SCFD2: variants seen among roughly 807,000 people sequenced by gnomAD.
SCFD2 encodes the protein sec1 family domain containing 2.
SCFD2 carries 54 observed loss-of-function variants against 58.9 expected under a neutral mutation model. The ratio of observed to expected loss-of-function variants is 0.92; its 90% CI spans 0.74 to 1.15. SCFD2 has a LOEUF of 1.15. SCFD2 is among the 50% of genes most tolerant of loss of function. The pLI is 0.00. For synonymous variants in SCFD2, 321 were observed against 335.9 expected (o/e 0.96, Z 0.49); for missense variants, 805 against 836.6 (o/e 0.96, Z 0.47).
intron 1 of SCFD2, among the ~76,000 whole-genome samples, chr4:53,361,179 CTCTT>C (rs936534410): frequency 6.6e-6 from 1 of 152,170 alleles, no homozygotes; most frequent in African/African-American, 2.4e-5. Context: ...AACTAACTCT[CTCTT>C]TGACAATTCA....
At chr4:53,125,648 G>T (rs780116388) in intron 5 of SCFD2, among the ~76,000 whole-genome samples, 1 of 152,222 alleles carries the variant, frequency 6.6e-6, no homozygotes, top group African/African-American at 2.4e-5. Flanking sequence ...TTATATACAT[G>T]CAGGGAAACA....
At chr4:53,304,928 G>A (rs530663845) in intron 3 of SCFD2, among the ~76,000 whole-genome samples, 5 of 152,004 alleles carry the variant, frequency 3.3e-5, no homozygotes, top group African/African-American at 1.2e-4. Context: ...GAATTTTCAG[G>A]CTTTTTGTGC....
At chr4:53,338,575 CT>C (rs56263068) in intron 2 of SCFD2, among the ~76,000 whole-genome samples, 5 of 72,314 alleles carry the variant, frequency 6.9e-5, no homozygotes, top group East Asian at 5.3e-4. Context: ...GTATATTTTT[CT>C]TTTTTTTTTT....
rs1480045169 is a variant in SCFD2 at position 53,238,376 on chromosome 4, G to A, written c.1311+35450C>T. 1.7e-4 allele frequency among the ~76,000 whole-genome samples: 21 copies of A among 125,720 alleles called. No homozygotes were observed. The East Asian group carries it at 4.0e-3, about 24-fold the overall frequency. 82.5% of individuals were successfully genotyped at this position (125,720 alleles called of 152,430 possible). ...GGGCTGATGCCCCCACCTCCCTCCC[G>A]GACAGGGCGGCTGGCCTGGCGGGGG... On this transcript the variant is annotated intron_variant, in intron 4 of 8. Transcript: ENST00000401642.
intron 3 of SCFD2, among the ~76,000 whole-genome samples, chr4:53,276,775 C>CATA (rs1731341118): frequency 6.6e-6 from 1 of 152,192 alleles, no homozygotes; most frequent in Non-Finnish European, 1.5e-5. Context: ...CCAAAGTGGG[C>CATA]TGTACCACCA....
rs180915436 is a variant in SCFD2, at chr4:53,033,895, C to A, written c.1561+111438G>T. 1.9e-3 allele frequency among the ~76,000 whole-genome samples: 286 copies of A among 152,276 alleles called. 4 individuals are homozygous for A. Among genetic ancestry groups the A allele is most frequent in the Non-Finnish European group, 2.9e-3 (194 of 68,012 alleles). On this transcript the variant is annotated intron_variant, in intron 5 of 8. Coordinates refer to ENST00000401642, the MANE Select transcript of SCFD2 (RefSeq NM_152540.4). ...ATCCTACCAGAGGTACAAAGAGGAGCTGGTACCATTCTTTCTGAAACTATT... is the reference window on the plus strand; with the variant it reads ...ATCCTACCAGAGGTACAAAGAGGAGATGGTACCATTCTTTCTGAAACTATT...
At chr4:53,003,252 G>A (rs1220434807) in intron 5 of SCFD2, among the ~76,000 whole-genome samples, 1 of 152,190 alleles carries the variant, frequency 6.6e-6, no homozygotes, top group African/African-American at 2.4e-5. Context: ...TTGGCCCTGG[G>A]AGTAGAGTGA....
chr4:53,253,542 TGGA>T (rs1222098928), intron 4 of SCFD2, among the ~76,000 whole-genome samples: 3 of 152,080 alleles, frequency 2.0e-5, no homozygotes, highest in African/African-American at 7.2e-5. Context: ...ATATACACCA[TGGA>T]ATACTATGTA....
chr4:53,097,590 G>A (rs1031681004), intron 5 of SCFD2, among the ~76,000 whole-genome samples: 5 of 152,186 alleles, frequency 3.3e-5, no homozygotes, highest in African/African-American at 4.8e-5. Context: ...TGCTGAAGTT[G>A]CTTATCAGCT....
At chr4:53,235,453 G>A (rs1323119225) in intron 4 of SCFD2, among the ~76,000 whole-genome samples, 2 of 152,220 alleles carry the variant, frequency 1.3e-5, no homozygotes, top group African/African-American at 4.8e-5. Flanking sequence ...TGAAAATGAA[G>A]ATTCTACATT....
intron 2 of SCFD2, among the ~76,000 whole-genome samples, chr4:53,314,366 C>A (rs1363098502): frequency 1.3e-5 from 2 of 152,112 alleles, no homozygotes; most frequent in African/African-American, 4.8e-5. Context: ...TACAATTAAC[C>A]GTTGATAACA....
intron 4 of SCFD2, among the ~76,000 whole-genome samples, chr4:53,225,043 C>CAAAT (rs1174561371): frequency 6.6e-6 from 1 of 152,050 alleles, no homozygotes; most frequent in Non-Finnish European, 1.5e-5. Context: ...TGTAAAACAT[C>CAAAT]TAGGTTGTTC....
chr4:53,177,392 C>T (rs1002554148), intron 4 of SCFD2, among the ~76,000 whole-genome samples: 1 of 151,842 alleles, frequency 6.6e-6, no homozygotes, highest in Non-Finnish European at 1.5e-5. Context: ...GGAGAGAGGG[C>T]CAAGGAGTGG....
chr4:52,878,812 C>T (rs1718539183), intron 8 of SCFD2, among the ~76,000 whole-genome samples: 1 of 152,142 alleles, frequency 6.6e-6, no homozygotes, highest in Non-Finnish European at 1.5e-5. Context: ...ATGGGTGATG[C>T]TCAATGCTTG....
intron 4 of SCFD2, among the ~76,000 whole-genome samples, chr4:53,259,354 C>A (rs777368418): frequency 1.3e-5 from 2 of 152,134 alleles, no homozygotes; most frequent in Non-Finnish European, 2.9e-5. Context: ...GGTTTCAGGT[C>A]ATAGATGTAA....
intron 5 of SCFD2, among the ~76,000 whole-genome samples, chr4:53,138,645 G>A (rs1726013370): frequency 6.6e-6 from 1 of 152,158 alleles, no homozygotes. Context: ...TGCCCACCAC[G>A]CTAGAAATCT....
At chr4:53,047,670 C>T (rs1723077092) in intron 5 of SCFD2, among the ~76,000 whole-genome samples, 1 of 152,196 alleles carries the variant, frequency 6.6e-6, no homozygotes, top group Non-Finnish European at 1.5e-5. Flanking sequence ...AATGACTTTA[C>T]TCTTTTCCAA....
intron 4 of SCFD2, among the ~76,000 whole-genome samples, chr4:53,147,559 G>A (rs1416634927): frequency 1.3e-5 from 2 of 152,214 alleles, no homozygotes; most frequent in Non-Finnish European, 2.9e-5. Context: ...AGATTTTACT[G>A]TCACATGGTG....
chr4:53,251,601 T>C (rs1304103107), intron 4 of SCFD2, among the ~76,000 whole-genome samples: 2 of 152,050 alleles, frequency 1.3e-5, no homozygotes, highest in Non-Finnish European at 2.9e-5. Context: ...ATAAATGTAA[T>C]CCAGCATATA....
Sources: gnomAD v4.1 joint callset for allele counts (sites outside exome capture counted in the v4.1 genomes callset) on GRCh38, gnomAD v4.1.1 for gene constraint, MANE v1.5 for transcripts, NCBI Gene and HGNC (gene_info 2026-07-23, HGNC 2026-07-21) for gene names.